The following CACNG5 variants were observed in gnomAD, a reference collection of about 807,000 sequenced individuals.
CACNG5 encodes the protein voltage-dependent calcium channel gamma-5 subunit.
In CACNG5, 18 loss-of-function variants were observed where a neutral mutation model predicts 24.8. The observed-to-expected ratio is 0.73, with a 90% confidence interval of 0.50 to 1.08. CACNG5 has a LOEUF of 1.08. CACNG5 is among the 50% of genes least tolerant of loss of function. The pLI is 0.00. For synonymous variants in CACNG5, 157 were observed against 149.1 expected (o/e 1.05, Z -0.39); for missense variants, 349 against 367.9 (o/e 0.95, Z 0.42).
chr17:66,849,768 T>C (rs762701080), intron 1 of CACNG5, among the ~76,000 whole-genome samples: 7 of 152,136 alleles, frequency 4.6e-5, no homozygotes, highest in Non-Finnish European at 8.8e-5. Context: ...TAGGAAAGCA[T>C]TGGGTAAAAC....
rs1977092802 is a variant in CACNG5, at chr17:66,877,280, A to T, written c.-53A>T. ...CCCACTCTCCCTAGCCCCAGAGCGC[A>T]GTCCGTGCTGGTGGGAGCGTGGCGA... is the stretch of plus-strand genomic sequence containing the variant. On this transcript the variant is annotated 5_prime_UTR_variant, in exon 2 of 6. Transcript: ENST00000533854. The T allele has an allele frequency of 1.3e-6, 2 of 1,499,940 alleles. No individual in the cohort carries two copies. The highest frequency in any genetic ancestry group is 1.8e-6 in the Non-Finnish European group (2 of 1,087,586). The allele number at this position is 1,499,940 out of a possible 1,614,324, so 92.9% of individuals were successfully genotyped here.
intron 1 of CACNG5, among the ~76,000 whole-genome samples, chr17:66,873,144 C>T (rs920082545): frequency 1.3e-5 from 2 of 152,132 alleles, no homozygotes; most frequent in African/African-American, 4.8e-5. Context: ...ACAGGGTTAT[C>T]GTGAGGTCCT....
rs1302092840 is a variant in CACNG5, at chr17:66,888,460, C to T, written c.*3220C>T. Among the ~76,000 whole-genome samples the T allele has an allele frequency of 5.6e-5, 8 of 141,888 alleles. No individual in the cohort carries two copies. The highest frequency in any genetic ancestry group is 1.6e-4 in the African/African-American group (6 of 38,058). 93.1% of individuals were successfully genotyped at this position (141,888 alleles called of 152,430 possible). ...TTGGGAGGCTGAAGCAGGAGAATGG[C>T]GTGAACCTGGGAGGCAGAGCTTGCA... On this transcript the variant is annotated 3_prime_UTR_variant, in exon 6 of 6. Coordinates refer to ENST00000533854, the MANE Select transcript of CACNG5 (RefSeq NM_145811.3).
chr17:66,860,229 C>T (rs1438915735), intron 1 of CACNG5, among the ~76,000 whole-genome samples: 1 of 152,158 alleles, frequency 6.6e-6, no homozygotes, highest in Non-Finnish European at 1.5e-5. Flanking sequence ...CCAGCTCCCC[C>T]AGTTTCTAGC....
chr17:66,873,886 A>G (rs1033799699), intron 1 of CACNG5, among the ~76,000 whole-genome samples: 5 of 151,472 alleles, frequency 3.3e-5, no homozygotes, highest in African/African-American at 1.2e-4. Context: ...CCTTTACCAT[A>G]ATGTGCAATG....
Position 66,877,410 on chromosome 17 carries a change from C to G in CACNG5, c.78C>G (p.Ile26Met). Reference sequence around the variant, plus strand: ...TCTGTGGCTTGGGCCTCCTGGGTATCGCGGTCAGCACCGACTACTGGCTGT... The same window carrying G: ...TCTGTGGCTTGGGCCTCCTGGGTATGGCGGTCAGCACCGACTACTGGCTGT... ...FAVCGLGLLG[I>M]AVSTDYWLYL... The change falls in exon 2 of 6, where the codon ATC (isoleucine) becomes ATG (methionine). Residue 26 changes from isoleucine to methionine, a missense_variant. Physicochemically the swap from Ile to Met is conservative, Grantham distance 10. Transcript: ENST00000533854. The G allele has an allele frequency of 8.7e-6, 14 of 1,614,062 alleles. No homozygotes were observed. Among genetic ancestry groups the G allele is most frequent in the Non-Finnish European group, 1.2e-5 (14 of 1,179,966 alleles).
intron 1 of CACNG5, among the ~76,000 whole-genome samples, chr17:66,851,465 C>T (rs891558093): frequency 1.3e-5 from 2 of 152,158 alleles, no homozygotes; most frequent in African/African-American, 2.4e-5. Context: ...CAACTTAGTA[C>T]AGACAGCAAA....
rs148790101 is a variant in CACNG5 at position 66,893,140 on chromosome 17, A to G, written c.*7900A>G. Among the ~76,000 whole-genome samples the G allele has an allele frequency of 2.6e-5, 4 of 152,330 alleles. No homozygotes were observed. The highest frequency in any genetic ancestry group is 5.9e-5 in the Non-Finnish European group (4 of 68,026). The stretch of plus-strand genomic sequence containing the variant: ...ACTTGCTCATGACCGCACAGCTGGT[A>G]ATATTTGCACTGCTCTGCTCTGCAA... On this transcript the variant is annotated 3_prime_UTR_variant, in exon 6 of 6. Transcript: ENST00000533854.
At chr17:66,858,125 C>T (rs1976806378) in intron 1 of CACNG5, among the ~76,000 whole-genome samples, 1 of 152,186 alleles carries the variant, frequency 6.6e-6, no homozygotes, top group South Asian at 2.1e-4. Flanking sequence ...AGGTTCTGGG[C>T]TTTCTGGCCT....
In CACNG5 at chr17:66,891,781, C is replaced by T. The variant is rs1977348923; in HGVS notation, c.*6541C>T. On this transcript the variant is annotated 3_prime_UTR_variant, in exon 6 of 6. Transcript: ENST00000533854. ...TGAGAGATGGGATCTATGGTAGCAA[C>T]CACCTTTGAGAAACACGATCTGCTG... Among the ~76,000 whole-genome samples the T allele has an allele frequency of 6.6e-6, 1 of 152,316 alleles. No homozygotes were observed. The highest frequency in any genetic ancestry group is 2.4e-5 in the African/African-American group (1 of 41,562).
In CACNG5 at chr17:66,890,325, C is replaced by T. The variant is rs147700895; in HGVS notation, c.*5085C>T. On this transcript the variant is annotated 3_prime_UTR_variant, in exon 6 of 6. Transcript: ENST00000533854. ...TGGTACGCTGGAGCCAGTCAGAGCC[C>T]TCACCAGGGCTGCTTTTGCTCTTTG... Among the ~76,000 whole-genome samples, 4 of 152,290 alleles carry T rather than the reference C, an allele frequency of 2.6e-5. No individual in the cohort carries two copies. Among genetic ancestry groups the T allele is most frequent in the Non-Finnish European group, 5.9e-5 (4 of 68,026 alleles).
At chr17:66,838,452 C>T (rs904618011) in intron 1 of CACNG5, among the ~76,000 whole-genome samples, 13 of 151,438 alleles carry the variant, frequency 8.6e-5, no homozygotes, top group Admixed American at 3.3e-4. Context: ...TCCCTGCTCA[C>T]GGCAGCCCAT....
At chr17:66,854,913 C>G (rs956754655) in intron 1 of CACNG5, among the ~76,000 whole-genome samples, 8 of 151,898 alleles carry the variant, frequency 5.3e-5, no homozygotes, top group Non-Finnish European at 1.2e-4. Context: ...AAAAAGATAC[C>G]CCATATCACC....
chr17:66,861,470 G>GAAT (rs1976857587), intron 1 of CACNG5, among the ~76,000 whole-genome samples: 1 of 152,196 alleles, frequency 6.6e-6, no homozygotes, highest in Non-Finnish European at 1.5e-5. Flanking sequence ...ATTACTATGT[G>GAAT]TAAATTGCTA....
At chr17:66,880,168 A>C (rs1977136908) in intron 3 of CACNG5, among the ~76,000 whole-genome samples, 1 of 152,162 alleles carries the variant, frequency 6.6e-6, no homozygotes, top group Admixed American at 6.5e-5. Flanking sequence ...CCCCTTGCCC[A>C]AGGAAATGGT....
intron 1 of CACNG5, among the ~76,000 whole-genome samples, chr17:66,868,329 C>T (rs538893784): frequency 4.6e-5 from 7 of 152,228 alleles, no homozygotes; most frequent in Non-Finnish European, 8.8e-5. Context: ...TCTGTATCCT[C>T]ATCTCTGTAG....
At position 66,891,991 on chromosome 17, in the gene CACNG5, T is replaced by C. The variant is rs1346787877; in HGVS notation, c.*6751T>C. Among the ~76,000 whole-genome samples the C allele has an allele frequency of 6.6e-6, 1 of 152,190 alleles. No homozygotes were observed. The highest frequency in any genetic ancestry group is 1.9e-4 in the East Asian group (1 of 5,196). On this transcript the variant is annotated 3_prime_UTR_variant, in exon 6 of 6. Transcript: ENST00000533854. ...AATTTGTTTAAAGCTCTCCAGATGG[T>C]TCTAATGTGAAACCAGGGTTGAGAA...
rs145536558 is a variant in CACNG5, at chr17:66,885,065, G to T, written c.653G>T (p.Arg218Leu). ...TACAGGCCCCACCCTGGCTTCTACC[G>T]CCCTCGGCTGAGCAACTGCTCCGAT... ...DMYRPHPGFYRPRLSNCSDYS... is the reference protein window; with the variant it reads ...DMYRPHPGFYLPRLSNCSDYS... The change falls in exon 6 of 6, where the codon CGC becomes CTC. Residue 218 changes from arginine (R) to leucine (L), a missense_variant. Arg to Leu is a moderately radical substitution (Grantham distance 102, BLOSUM62 -2). Coordinates refer to ENST00000533854, the MANE Select transcript of CACNG5 (RefSeq NM_145811.3). 6.2e-6 allele frequency: 10 copies of T among 1,614,144 alleles called. No homozygotes were observed. In the Admixed American group the frequency reaches 1.2e-4, roughly 19 times the overall value.
intron 1 of CACNG5, among the ~76,000 whole-genome samples, chr17:66,843,176 C>T (rs1296080103): frequency 6.6e-6 from 1 of 152,200 alleles, no homozygotes; most frequent in Non-Finnish European, 1.5e-5. Flanking sequence ...GGTTCAGTAG[C>T]TTGCCTACAA....
Sources: gnomAD v4.1 joint callset for allele counts (sites outside exome capture counted in the v4.1 genomes callset) on GRCh38, gnomAD v4.1.1 for gene constraint, MANE v1.5 for transcripts, NCBI Gene and HGNC (gene_info 2026-07-23, HGNC 2026-07-21) for gene names.